The following CCSER2 variants were observed in gnomAD, a reference collection of about 807,000 sequenced individuals.
CCSER2 encodes the protein serine-rich coiled-coil domain-containing protein 2.
In CCSER2, 46 loss-of-function variants were observed where a neutral mutation model predicts 92.3. The observed-to-expected ratio is 0.50, with a 90% confidence interval of 0.39 to 0.64. CCSER2 has a LOEUF of 0.64. Ranked by LOEUF, CCSER2 falls within the 30% of genes least tolerant of loss-of-function variation. CCSER2 has a pLI of 0.00. For missense variants in CCSER2, 1,244 were observed against 1,238.9 expected (o/e 1.00, Z -0.06); for synonymous variants, 433 against 431.4 (o/e 1.00, Z -0.04).
intron 5 of CCSER2, among the ~76,000 whole-genome samples, chr10:84,428,872 G>A (rs897775870): frequency 4.0e-5 from 6 of 150,858 alleles, no homozygotes; most frequent in East Asian, 1.9e-4. Context: ...TTTTTTTTCC[G>A]CTTTCATTCT....
intron 7 of CCSER2, among the ~76,000 whole-genome samples, chr10:84,465,239 T>TTGTATGTGTG (rs1393940611): frequency 1.9e-5 from 2 of 106,788 alleles, no homozygotes; most frequent in Non-Finnish European, 3.8e-5. Context: ...TTTCCTGAAT[T>TTGTATGTGTG]TGTGTGTGTG....
chr10:84,410,630 A>G (rs1842600818), intron 3 of CCSER2, among the ~76,000 whole-genome samples: 1 of 152,062 alleles, frequency 6.6e-6, no homozygotes, highest in Admixed American at 6.5e-5. Flanking sequence ...TTTCTAGTAA[A>G]TTTGCTTAAG....
At chr10:84,502,662 C>CGGTG (rs1848825707) in intron 9 of CCSER2, among the ~76,000 whole-genome samples, 1 of 152,070 alleles carries the variant, frequency 6.6e-6, no homozygotes, top group Non-Finnish European at 1.5e-5. Context: ...TGAGCCACCA[C>CGGTG]GCTCGGCCTC....
In CCSER2 at chr10:84,513,970, G is replaced by A; in HGVS notation, c.2847G>A (p.Lys949=). ...SSPSRTPTCK[K]SPIITTCNSA... Reference sequence around the variant, plus strand: ...CAAGTAGGACTCCCACTTGTAAAAAGTCACCAATAATCACAACATGTAATT... The same window carrying A: ...CAAGTAGGACTCCCACTTGTAAAAAATCACCAATAATCACAACATGTAATT... The change falls in exon 10 of 10, where the codon AAG becomes AAA. Residue 949 remains lysine (K), a synonymous_variant. Transcript: ENST00000372088. 6.5e-7 allele frequency: 1 copy of A among 1,536,644 alleles called. No individual in the cohort carries two copies. The highest frequency in any genetic ancestry group is 1.2e-5 in the South Asian group (1 of 84,060).
At position 84,371,904 on chromosome 10, in the gene CCSER2, A is replaced by C; in HGVS notation, c.852A>C (p.Glu284Asp). The part of the protein sequence containing the change: ...SRQPEVLNGN[E>D]HLGYGFNRPY... The stretch of plus-strand genomic sequence containing the variant: ...AGCCAGAAGTACTCAATGGGAATGA[A>C]CATTTGGGGTATGGATTTAATAGGC... The change falls in exon 2 of 10, where the codon GAA (glutamate) becomes GAC (aspartate). Residue 284 changes from glutamate to aspartate, a missense_variant. Transcript: ENST00000372088. 6.2e-7 allele frequency: 1 copy of C among 1,613,954 alleles called. No individual in the cohort carries two copies. The highest frequency in any genetic ancestry group is 8.5e-7 in the Non-Finnish European group (1 of 1,179,868).
At chr10:84,503,307 T>TA (rs1848869824) in intron 9 of CCSER2, among the ~76,000 whole-genome samples, 1 of 152,210 alleles carries the variant, frequency 6.6e-6, no homozygotes, top group South Asian at 2.1e-4. Context: ...AATTTTGACT[T>TA]ACATTTCTTA....
intron 1 of CCSER2, among the ~76,000 whole-genome samples, chr10:84,334,311 C>T (rs1014355638): frequency 4.6e-5 from 7 of 152,042 alleles, no homozygotes; most frequent in African/African-American, 1.7e-4. Context: ...CTGACTTCTG[C>T]TTGCTACAGG....
intron 9 of CCSER2, among the ~76,000 whole-genome samples, chr10:84,494,088 A>G (rs1321236522): frequency 3.3e-5 from 5 of 152,220 alleles, no homozygotes; most frequent in African/African-American, 1.2e-4. Flanking sequence ...AGCAGTGGGC[A>G]GTAGCTGTAA....
intron 9 of CCSER2, among the ~76,000 whole-genome samples, chr10:84,499,430 C>T (rs982520073): frequency 5.3e-5 from 8 of 152,090 alleles, no homozygotes; most frequent in Admixed American, 2.0e-4. Context: ...CCACTGCACC[C>T]GGCCGAAATA....
intron 3 of CCSER2, among the ~76,000 whole-genome samples, chr10:84,378,960 A>G (rs1405234910): frequency 6.6e-6 from 1 of 152,032 alleles, no homozygotes; most frequent in African/African-American, 2.4e-5. Context: ...TGTTCTTGCC[A>G]TGTTTTGGTA....
intron 1 of CCSER2, among the ~76,000 whole-genome samples, chr10:84,359,203 G>T (rs533607600): frequency 6.6e-6 from 1 of 152,052 alleles, no homozygotes; most frequent in South Asian, 2.1e-4. Context: ...GTTAATTCAG[G>T]CATTACTGTA....
chr10:84,437,728 T>C (rs1844264483), intron 5 of CCSER2, among the ~76,000 whole-genome samples: 1 of 149,976 alleles, frequency 6.7e-6, no homozygotes, highest in Non-Finnish European at 1.5e-5. Context: ...TTTTTTTTTT[T>C]TTGAGACGGA....
At chr10:84,511,102 A>G (rs1426006731) in intron 9 of CCSER2, among the ~76,000 whole-genome samples, 2 of 152,216 alleles carry the variant, frequency 1.3e-5, no homozygotes, top group Non-Finnish European at 2.9e-5. Context: ...AGTAGTATAG[A>G]TGTCTAACTT....
chr10:84,482,612 T>G (rs1368339620), intron 9 of CCSER2, among the ~76,000 whole-genome samples: 1 of 152,238 alleles, frequency 6.6e-6, no homozygotes, highest in Non-Finnish European at 1.5e-5. Flanking sequence ...TTATGATATG[T>G]ACCTTTTGTA....
At chr10:84,415,800 C>T (rs1277284281) in intron 3 of CCSER2, among the ~76,000 whole-genome samples, 1 of 152,226 alleles carries the variant, frequency 6.6e-6, no homozygotes, top group African/African-American at 2.4e-5. Context: ...TGCCCCTCCT[C>T]CTGGAAACTC....
intron 8 of CCSER2, among the ~76,000 whole-genome samples, chr10:84,476,818 A>G (rs1847177834): frequency 6.6e-6 from 1 of 152,178 alleles, no homozygotes; most frequent in African/African-American, 2.4e-5. Context: ...ACTTTGTGTT[A>G]TATAAATGAG....
chr10:84,440,940 T>C (rs1457799278), intron 6 of CCSER2, among the ~76,000 whole-genome samples: 1 of 152,196 alleles, frequency 6.6e-6, no homozygotes, highest in Non-Finnish European at 1.5e-5. Flanking sequence ...TTTGCCTGTT[T>C]TTATCTCTGG....
chr10:84,472,444 G>A (rs1846870029), intron 8 of CCSER2, among the ~76,000 whole-genome samples: 1 of 152,004 alleles, frequency 6.6e-6, no homozygotes, highest in Non-Finnish European at 1.5e-5. Context: ...GGTGGTTCAC[G>A]CCTGTAGTCC....
intron 3 of CCSER2, among the ~76,000 whole-genome samples, chr10:84,397,604 C>T (rs1302658764): frequency 6.6e-6 from 1 of 152,210 alleles, no homozygotes; most frequent in African/African-American, 2.4e-5. Context: ...AAGTCTGCCA[C>T]CGACTGTTAT....
Sources: gnomAD v4.1 joint callset for allele counts (sites outside exome capture counted in the v4.1 genomes callset) on GRCh38, gnomAD v4.1.1 for gene constraint, MANE v1.5 for transcripts, NCBI Gene and HGNC (gene_info 2026-07-23, HGNC 2026-07-21) for gene names.